Variants in SCAF11 observed in about 807,000 individuals in gnomAD.
SCAF11 encodes the protein SR-related CTD associated factor 11.
A neutral mutation model predicts 140.5 loss-of-function variants in SCAF11; 47 were observed. That is an observed-to-expected ratio of 0.33 (90% confidence interval 0.26 to 0.43). The LOEUF (loss-of-function observed/expected upper bound fraction) is 0.43. SCAF11 is among the 20% of genes least tolerant of loss of function. The pLI is 1.00. For missense variants in SCAF11, 1,645 were observed against 1,705.1 expected (o/e 0.96, Z 0.62); for synonymous variants, 557 against 579.4 (o/e 0.96, Z 0.55).
chr12:45,966,063 AGTTTTAGTTCTGGTGCAAACTAACTT>A (rs1190312739), intron 1 of SCAF11, among the ~76,000 whole-genome samples: 1 of 152,232 alleles, frequency 6.6e-6, no homozygotes, highest in Non-Finnish European at 1.5e-5. Flanking sequence ...GTGCAACATT[AGTTTTAGTTCTGGTGCAAACTAACTT>A]GTTTTAGTTC....
At position 45,927,927 on chromosome 12, in the gene SCAF11, T is replaced by A. The variant is rs773625389; in HGVS notation, c.1774A>T (p.Ile592Phe). 1 of 1,613,016 alleles carries A rather than the reference T, an allele frequency of 6.2e-7. No homozygotes were observed. Among genetic ancestry groups the A allele is most frequent in the African/African-American group, 1.3e-5 (1 of 74,928 alleles). The change falls in exon 11 of 15, where the codon ATT (isoleucine) becomes TTT (phenylalanine). Residue 592 changes from isoleucine to phenylalanine, a missense_variant. This residue lies in a region of SCAF11 where 1,582 missense variants were observed against 1,609.2 expected (regional missense o/e 0.98). Transcript: ENST00000369367. The stretch of plus-strand genomic sequence containing the variant: ...AGTGTAAAATCTTTATGTTCAGTAA[T>A]TTCTACTAGGGAACTCTCTGTTATT... ...EKITESSLVE[I>F]TEHKDFTLKT...
chr12:45,990,278 G>C (rs1243645984), intron 1 of SCAF11, 75 bp downstream of exon 1: 4 of 1,230,492 alleles, frequency 3.3e-6, no homozygotes, highest in Non-Finnish European at 4.1e-6. Context: ...CCAGCGCTCT[G>C]CGCCGGCCGC....
Position 45,923,050 on chromosome 12 carries a change from A to G in SCAF11, c.4011T>C (p.Ser1337=), listed in dbSNP as rs1229454758. 6.2e-7 allele frequency: 1 copy of G among 1,614,082 alleles called. No individual in the cohort carries two copies. The highest frequency in any genetic ancestry group is 8.5e-7 in the Non-Finnish European group (1 of 1,180,026). The change falls in exon 13 of 15, where the codon TCT becomes TCC. Residue 1337 remains serine (S), a synonymous_variant. Transcript: ENST00000369367. The stretch of plus-strand genomic sequence containing the variant: ...TGTGACTTGATGACGAAGTATTACC[A>G]GAACTTGGTCCCTGAACCATTCCCG... ...GNTGMVQGPS[S]GNTSSSSHSK... is the part of the protein sequence containing the mutation.
chr12:45,983,785 A>ACACACACACACACACAC (rs1565695884), intron 1 of SCAF11, among the ~76,000 whole-genome samples: 1 of 151,000 alleles, frequency 6.6e-6, no homozygotes, highest in Non-Finnish European at 1.5e-5. Flanking sequence ...ACACACACAC[A>ACACACACACACACACAC]AAGACTGAAC....
At chr12:45,981,493 A>C (rs1307269450) in intron 1 of SCAF11, among the ~76,000 whole-genome samples, 4 of 152,234 alleles carry the variant, frequency 2.6e-5, no homozygotes, top group Non-Finnish European at 5.9e-5. Context: ...AAAAGATCCA[A>C]AAACCGAAAC....
At chr12:45,990,862 T>TGGGAAACGTCCTTCC (rs1346914322), upstream of SCAF11, among the ~76,000 whole-genome samples, 2 of 152,326 alleles carry the variant, frequency 1.3e-5, no homozygotes, top group African/African-American at 4.8e-5. Flanking sequence ...AGGGGCCTTC[T>TGGGAAACGTCCTTCC]GGGAAACGTC....
At chr12:45,958,009 C>T (rs930199793) in intron 3 of SCAF11, among the ~76,000 whole-genome samples, 93 of 152,110 alleles carry the variant, frequency 6.1e-4, no homozygotes, top group African/African-American at 2.2e-3. Flanking sequence ...CCTCCAACCT[C>T]CCCCCATCAG....
intron 5 of SCAF11, among the ~76,000 whole-genome samples, chr12:45,947,978 G>A (rs1391339842): frequency 1.3e-5 from 2 of 152,178 alleles, no homozygotes; most frequent in Admixed American, 6.5e-5. Flanking sequence ...CACCTGGCCA[G>A]CATTCAGAAA....
chr12:45,969,478 C>T (rs1439133896), intron 1 of SCAF11, among the ~76,000 whole-genome samples: 15 of 152,154 alleles, frequency 9.9e-5, no homozygotes, highest in Admixed American at 9.8e-4. Flanking sequence ...AAGATACCTA[C>T]ATCCTGGTTA....
rs780050628 is a variant in SCAF11 at position 45,927,465 on chromosome 12, C to T, written c.2236G>A (p.Glu746Lys). 1.2e-6 allele frequency: 2 copies of T among 1,613,368 alleles called. No individual in the cohort carries two copies. Among genetic ancestry groups the T allele is most frequent in the East Asian group, 2.2e-5 (1 of 44,878 alleles). Residue 746 changes from glutamate (E) to lysine (K), a missense_variant, in exon 11 of 15, where the codon GAA becomes AAA. By Grantham distance (56) the Glu-to-Lys change is moderately conservative. This residue lies in a region of SCAF11 where 1,582 missense variants were observed against 1,609.2 expected (regional missense o/e 0.98). Coordinates refer to ENST00000369367, the MANE Select transcript of SCAF11 (RefSeq NM_004719.3). The stretch of plus-strand genomic sequence containing the variant: ...TCAGAACAGTGTGTCACAGAATTTT[C>T]ATTCATTTGTTTAAGATCAGCATTT... The part of the protein sequence containing the change: ...SVNADLKQMN[E>K]NSVTHCSENN...
rs1294118206 is a variant in SCAF11 at position 45,933,161 on chromosome 12, C to G, written c.704G>C (p.Trp235Ser). Residue 235 changes from tryptophan (W) to serine (S), a missense_variant, in exon 9 of 15, where the codon TGG (tryptophan) becomes TCG (serine). Physicochemically the swap from Trp to Ser is radical, Grantham distance 177 (BLOSUM62 -3). This residue lies in a region of SCAF11 where 1,582 missense variants were observed against 1,609.2 expected (regional missense o/e 0.98). Transcript: ENST00000369367. ...RQKRHELELS[W>S]FPDTLPGIGR... Reference sequence around the variant, plus strand: ...AATTCCAGGTAATGTATCAGGAAACCATGACAATTCCAGTTCATGTCTCTT... The same window carrying G: ...AATTCCAGGTAATGTATCAGGAAACGATGACAATTCCAGTTCATGTCTCTT... 1 of 1,610,352 alleles carries G rather than the reference C, an allele frequency of 6.2e-7. No individual in the cohort carries two copies. The highest frequency in any genetic ancestry group is 1.3e-5 in the African/African-American group (1 of 74,818).
At chr12:45,972,585 T>TAAAAAAAAAAAAAAAAAAAAAAACCAAAA (rs76785973) in intron 1 of SCAF11, among the ~76,000 whole-genome samples, 1 of 107,684 alleles carries the variant, frequency 9.3e-6, no homozygotes, top group Non-Finnish European at 1.8e-5. Flanking sequence ...CCCTGTCTCT[T>TAAAAAAAAAAAAAAAAAAAAAAACCAAAA]AAAAAAAAAA....
chr12:45,980,955 C>G (rs1946335210), intron 1 of SCAF11, among the ~76,000 whole-genome samples: 1 of 152,084 alleles, frequency 6.6e-6, no homozygotes, highest in South Asian at 2.1e-4. Flanking sequence ...AGGACATAAC[C>G]TAATATATCA....
chr12:45,923,234 T>C, intron 12 of SCAF11, 80 bp from the exon 13 acceptor site: 1 of 1,281,908 alleles, frequency 7.8e-7, no homozygotes, highest in East Asian at 2.3e-5. Context: ...GAAATAACAT[T>C]AAAAAACACA....
upstream of SCAF11, chr12:45,992,040 T>G: frequency 7.8e-7 from 1 of 1,288,918 alleles, no homozygotes; most frequent in Non-Finnish European, 1.0e-6. Context: ...ACCGCTTCAC[T>G]GCCGCCTTCC....
chr12:45,972,009 G>T (rs920000002), intron 1 of SCAF11, among the ~76,000 whole-genome samples: 2 of 151,994 alleles, frequency 1.3e-5, no homozygotes, highest in African/African-American at 4.8e-5. Context: ...AGAGAGAAAA[G>T]AACTCAAGAA....
rs756458605 is a variant in SCAF11 at position 45,926,484 on chromosome 12, T to C, written c.3217A>G (p.Arg1073Gly). ...FGSGWVSNRG[R>G]GRGNRGRGTY... ...CCTCTGCCACGGTTGCCTCTGCCTC[T>C]ACCACGGTTAGATACCCAACCAGAA... Residue 1073 changes from arginine to glycine, a missense_variant, in exon 11 of 15, where the codon AGA becomes GGA. By Grantham distance (125) the Arg-to-Gly change is moderately radical (BLOSUM62 -2). Coordinates refer to ENST00000369367, the MANE Select transcript of SCAF11 (RefSeq NM_004719.3). 6.2e-7 allele frequency: 1 copy of C among 1,614,080 alleles called. No individual in the cohort carries two copies. The highest frequency in any genetic ancestry group is 1.3e-5 in the African/African-American group (1 of 74,936).
At chr12:45,961,425 C>A in intron 3 of SCAF11, 1 of 636,838 alleles carries the variant, frequency 1.6e-6, no homozygotes, top group Non-Finnish European at 2.8e-6. Flanking sequence ...TTAATTACTG[C>A]ATTTCTACCA....
At chr12:45,983,899 T>G (rs1275004785) in intron 1 of SCAF11, among the ~76,000 whole-genome samples, 1 of 152,190 alleles carries the variant, frequency 6.6e-6, no homozygotes, top group Non-Finnish European at 1.5e-5. Context: ...AAGTTTAGTC[T>G]TATCCCTAAT....
Sources: gnomAD v4.1 joint callset for allele counts (sites outside exome capture counted in the v4.1 genomes callset) on GRCh38, gnomAD v4.1.1 for gene constraint, gnomAD v4.1.1 regional missense constraint, MANE v1.5 for transcripts, NCBI Gene and HGNC (gene_info 2026-07-23, HGNC 2026-07-21) for gene names.